Variants in TOMM70 observed in about 807,000 individuals in gnomAD.
TOMM70 encodes the protein mitochondrial import receptor subunit TOM70.
In TOMM70, 13 loss-of-function variants were observed where a neutral mutation model predicts 73.6. The observed-to-expected ratio is 0.18, with a 90% CI of 0.11 to 0.28. The LOEUF is 0.28. Among genes scored for constraint, TOMM70 ranks in the 10% least tolerant of loss-of-function variants. The pLI, the probability that TOMM70 is intolerant of heterozygous loss-of-function variation, is 1.00. For synonymous variants in TOMM70, 257 were observed against 271.2 expected (o/e 0.95, Z 0.51); for missense variants, 609 against 747.5 (o/e 0.81, Z 2.16).
rs770254010 is a variant in TOMM70 at position 100,400,649 on chromosome 3, C to G, written c.301G>C (p.Gly101Arg). ...ACCATGTCCAAGTGAGCACCGGGACCTTCAGGGTGTCCGCTGCCCGGGGCC... is the reference window on the plus strand; with the variant it reads ...ACCATGTCCAAGTGAGCACCGGGACGTTCAGGGTGTCCGCTGCCCGGGGCC... Reference protein sequence around the residue: ...SPAPGSGHPEGPGAHLDMNSL... With the variant: ...SPAPGSGHPERPGAHLDMNSL... Residue 101 changes from glycine (G) to arginine (R), a missense_variant, in exon 1 of 12, where the codon GGT (glycine) becomes CGT (arginine). Gly to Arg is a moderately radical substitution (Grantham distance 125). Transcript: ENST00000284320. 1 of 1,612,400 alleles carries G rather than the reference C, an allele frequency of 6.2e-7. No homozygotes were observed. The highest frequency in any genetic ancestry group is 8.5e-7 in the Non-Finnish European group (1 of 1,179,638).
At chr3:100,367,540 A>G (rs1191558604) in intron 11 of TOMM70, among the ~76,000 whole-genome samples, 1 of 152,210 alleles carries the variant, frequency 6.6e-6, no homozygotes, top group Non-Finnish European at 1.5e-5. Context: ...CTTTATAAAG[A>G]TGGGGATGAA....
At chr3:100,383,347 C>T (rs1706656736) in intron 4 of TOMM70, among the ~76,000 whole-genome samples, 1 of 151,888 alleles carries the variant, frequency 6.6e-6, no homozygotes, top group Non-Finnish European at 1.5e-5. Flanking sequence ...CATGGTGAAA[C>T]CCTGCCTCTA....
intron 1 of TOMM70, among the ~76,000 whole-genome samples, chr3:100,388,883 T>A: frequency 6.6e-6 from 1 of 152,070 alleles, no homozygotes; most frequent in East Asian, 1.9e-4. Context: ...AGGAGCAAAT[T>A]AACAAGTAGA....
rs1399152770 is a variant in TOMM70, at chr3:100,365,211, G to A, written c.*353C>T. On this transcript the variant is annotated 3_prime_UTR_variant, in exon 12 of 12. Transcript: ENST00000284320. ...TACTTACATTATTCACACATATATA[G>A]ACGGAATCATCCAGAACATAATCAA... 5 of 203,028 alleles carry A rather than the reference G, an allele frequency of 2.5e-5. No homozygotes were observed. The highest frequency in any genetic ancestry group is 4.1e-5 in the Non-Finnish European group (4 of 98,418). The allele number at this position is 203,028 out of a possible 1,614,324, so 12.6% of individuals were successfully genotyped here. A position where few individuals can be genotyped will look rare whatever the true frequency, so the allele number is the denominator to read the frequency against.
intron 1 of TOMM70, among the ~76,000 whole-genome samples, chr3:100,388,352 C>T (rs1706717114): frequency 6.6e-6 from 1 of 152,132 alleles, no homozygotes; most frequent in African/African-American, 2.4e-5. Context: ...ACAATCCTCC[C>T]ACTCCACTGG....
chr3:100,377,526 T>C (rs1706579221), intron 6 of TOMM70, 179 bp downstream of exon 6: 1 of 612,840 alleles, frequency 1.6e-6, no homozygotes, highest in Middle Eastern at 4.5e-4. Flanking sequence ...TAAATATCAT[T>C]GATATTTATG....
At chr3:100,394,411 C>G (rs1001790652) in intron 1 of TOMM70, among the ~76,000 whole-genome samples, 1 of 146,984 alleles carries the variant, frequency 6.8e-6, no homozygotes, top group African/African-American at 2.6e-5. Context: ...CCCAGGGGGG[C>G]ACGATGTCCA....
At chr3:100,367,750 T>C (rs1706461641) in intron 11 of TOMM70, among the ~76,000 whole-genome samples, 1 of 152,212 alleles carries the variant, frequency 6.6e-6, no homozygotes, top group Admixed American at 6.5e-5. Context: ...AGGACAGAGC[T>C]GCAAAAAATG....
Position 100,386,977 on chromosome 3 carries a change from T to C in TOMM70, c.326A>G (p.Asn109Ser), listed in dbSNP as rs1258371979. ...GGCTGCTTGGGCTCTATCAAGAGAG[T>C]TCTGAAATGAGAGGAAACAATTATC... ...PEGPGAHLDM[N>S]SLDRAQAAKN... Residue 109 changes from asparagine (N) to serine (S), a missense_variant and splice_region_variant, in exon 2 of 12, where the codon AAC (asparagine) becomes AGC (serine). Coordinates refer to ENST00000284320, the MANE Select transcript of TOMM70 (RefSeq NM_014820.5). 4 of 1,612,042 alleles carry C rather than the reference T, an allele frequency of 2.5e-6. No individual in the cohort carries two copies. The highest frequency in any genetic ancestry group is 2.7e-5 in the African/African-American group (2 of 74,720).
intron 1 of TOMM70, among the ~76,000 whole-genome samples, chr3:100,395,868 C>T (rs1706820232): frequency 6.6e-6 from 1 of 152,078 alleles, no homozygotes; most frequent in Non-Finnish European, 1.5e-5. Context: ...AATTCTAGTA[C>T]CACGTGGTAA....
At chr3:100,369,455 T>G (rs911469141) in intron 9 of TOMM70, among the ~76,000 whole-genome samples, 7 of 151,944 alleles carry the variant, frequency 4.6e-5, no homozygotes, top group Non-Finnish European at 1.0e-4. Flanking sequence ...ATAGGTACAG[T>G]CACATCACTT....
At position 100,377,853 on chromosome 3, in the gene TOMM70, C is replaced by G. The variant is rs143990355; in HGVS notation, c.944G>C (p.Ser315Thr). Residue 315 changes from serine to threonine, a missense_variant, in exon 6 of 12, where the codon AGT becomes ACT. Ser to Thr is a moderately conservative substitution (Grantham distance 58). This residue lies in a region of TOMM70 where 432 missense variants were observed against 584.1 expected (regional missense o/e 0.74). Transcript: ENST00000284320. The part of the protein sequence containing the change: ...MEEENYDKII[S>T]ECSKEIDAEG... The stretch of plus-strand genomic sequence containing the variant: ...AGCATCTATTTCTTTTGAGCATTCA[C>G]TTATGATTTTATCGTAGTTTTCTTC... The G allele has an allele frequency of 6.2e-7, 1 of 1,614,204 alleles. No homozygotes were observed. Among genetic ancestry groups the G allele is most frequent in the Non-Finnish European group, 8.5e-7 (1 of 1,180,038 alleles).
intron 9 of TOMM70, among the ~76,000 whole-genome samples, chr3:100,369,352 A>C (rs1208672400): frequency 6.6e-6 from 1 of 152,172 alleles, no homozygotes; most frequent in Admixed American, 6.6e-5. Flanking sequence ...TTCTTCAGCA[A>C]GTGGTTAGTT....
At position 100,401,060 on chromosome 3, in the gene TOMM70, G is replaced by T. The variant is rs146188486; in HGVS notation, c.-111C>A. 11 of 1,184,756 alleles carry T rather than the reference G, an allele frequency of 9.3e-6. No homozygotes were observed. The East Asian group carries it at 3.0e-4, about 33-fold the overall frequency. The allele number at this position is 1,184,756 out of a possible 1,614,324, so 73.4% of individuals were successfully genotyped here. A position where few individuals can be genotyped will look rare whatever the true frequency, so the allele number is the denominator to read the frequency against. On this transcript the variant is annotated 5_prime_UTR_variant, in exon 1 of 12. Transcript: ENST00000284320. ...AGGAAAGCAATGAGCGAGCGAGCAC[G>T]CTAGGCAGAGAGAGCGGACGACAGA...
In TOMM70 at chr3:100,376,369, G is replaced by GTTTTTTTTTTTTTTTTTTTTTGTTT. The variant is rs141227349; in HGVS notation, c.1093-1218_1093-1217insAAACAAAAAAAAAAAAAAAAAAAAA. 5.0e-3 allele frequency among the ~76,000 whole-genome samples: 605 copies of GTTTTTTTTTTTTTTTTTTTTTGTTT among 121,492 alleles called. 10 individuals are homozygous for GTTTTTTTTTTTTTTTTTTTTTGTTT. The highest frequency in any genetic ancestry group is 8.3e-3 in the Non-Finnish European group (505 of 61,158). The allele number at this position is 121,492 out of a possible 152,430, so 79.7% of individuals were successfully genotyped here. A position where few individuals can be genotyped will look rare whatever the true frequency, so the allele number is the denominator to read the frequency against. On this transcript the variant is annotated intron_variant, in intron 6 of 11. Transcript: ENST00000284320. Reference sequence around the variant, plus strand: ...CTTGATGGTGTCTTTTCACACAGAAGTTTTTTTTTTTTTTTGAGACAGGAT... The same window carrying GTTTTTTTTTTTTTTTTTTTTTGTTT: ...CTTGATGGTGTCTTTTCACACAGAAGTTTTTTTTTTTTTTTTTTTTTGTTTTTTTTTTTTTTTTTTGAGACAGGAT...
Position 100,384,257 on chromosome 3 carries a change from T to C in TOMM70, c.735+222A>G, listed in dbSNP as rs530525332. Among the ~76,000 whole-genome samples, 4 of 152,314 alleles carry C rather than the reference T, an allele frequency of 2.6e-5. No individual in the cohort carries two copies. The East Asian group carries it at 7.7e-4, about 29-fold the overall frequency. ...ACAGTGTGGCAATCCCTAACACAGA[T>C]GAATTCCAATATTCTCCAGGTAGAG... On this transcript the variant is annotated intron_variant, in intron 4 of 11. Transcript: ENST00000284320.
chr3:100,381,316 C>T (rs147776054), intron 5 of TOMM70, among the ~76,000 whole-genome samples: 10 of 152,206 alleles, frequency 6.6e-5, no homozygotes, highest in Admixed American at 4.6e-4. Flanking sequence ...TATTCAAACA[C>T]GGTCAGCCAC....
intron 8 of TOMM70, among the ~76,000 whole-genome samples, chr3:100,373,156 AAAC>A (rs1559830769): frequency 6.6e-6 from 1 of 151,918 alleles, no homozygotes; most frequent in Non-Finnish European, 1.5e-5. Context: ...AAAAAAAAAA[AAAC>A]AACCTTTTGA....
chr3:100,375,555 T>C (rs1033171475), intron 6 of TOMM70, among the ~76,000 whole-genome samples: 6 of 152,342 alleles, frequency 3.9e-5, no homozygotes, highest in South Asian at 4.1e-4. Flanking sequence ...TTCATCCATA[T>C]TGTAGCATGT....
Sources: gnomAD v4.1 joint callset for allele counts (sites outside exome capture counted in the v4.1 genomes callset) on GRCh38, gnomAD v4.1.1 for gene constraint, gnomAD v4.1.1 regional missense constraint, MANE v1.5 for transcripts, NCBI Gene and HGNC (gene_info 2026-07-23, HGNC 2026-07-21) for gene names.